Variants in CSMD1 observed in about 807,000 individuals in gnomAD.
The protein encoded by CSMD1 is CUB and sushi domain-containing protein 1.
In CSMD1, 213 loss-of-function variants were observed where a neutral mutation model predicts 417.5. The ratio of observed to expected loss-of-function variants is 0.51; its 90% CI spans 0.46 to 0.57. CSMD1 has a LOEUF of 0.57. Among genes scored for constraint, CSMD1 ranks in the 20% least tolerant of loss-of-function variants. The pLI, the probability that CSMD1 is intolerant of heterozygous loss-of-function variation, is 0.00. For synonymous variants in CSMD1, 2,862 were observed against 1,736.8 expected, an observed-to-expected ratio of 1.65 and a Z score of -16.11; for missense variants, 6,923 against 4,529.7, an observed-to-expected ratio of 1.53 and a Z score of -15.17.
chr8:3,373,391 T>G (rs575392782), intron 18 of CSMD1: 21 of 152,334 alleles, frequency 1.4e-4, no homozygotes, highest in African/African-American at 4.3e-4. Context: ...CTCTCAGGCT[T>G]GTTTAGATTT....
At chr8:4,433,012 G>C (rs1204082970) in intron 2 of CSMD1, among the ~76,000 whole-genome samples, 1 of 152,098 alleles carries the variant, frequency 6.6e-6, no homozygotes, top group Non-Finnish European at 1.5e-5. Context: ...TCCCACAGGA[G>C]CGTCAACACT....
intron 3 of CSMD1, among the ~76,000 whole-genome samples, chr8:4,053,884 A>G (rs999807911): frequency 3.3e-4 from 50 of 152,224 alleles, no homozygotes; most frequent in African/African-American, 1.2e-3. Context: ...ATTAGTTGCT[A>G]TAATTATCAT....
intron 5 of CSMD1, among the ~76,000 whole-genome samples, chr8:3,885,972 A>G (rs979022944): frequency 6.6e-6 from 1 of 152,108 alleles, no homozygotes; most frequent in African/African-American, 2.4e-5. Flanking sequence ...CAACAAAGCA[A>G]TATTGATTCA....
At chr8:4,897,635 G>A (rs1804586900) in intron 1 of CSMD1, among the ~76,000 whole-genome samples, 1 of 151,944 alleles carries the variant, frequency 6.6e-6, no homozygotes, top group South Asian at 2.1e-4. Flanking sequence ...TTACGTTAAT[G>A]TCCAATAATA....
intron 21 of CSMD1, among the ~76,000 whole-genome samples, chr8:3,354,833 A>G (rs1235730617): frequency 1.0e-5 from 1 of 97,652 alleles, no homozygotes; most frequent in Non-Finnish European, 2.2e-5. Flanking sequence ...ATAGATACAT[A>G]TATAGATACA....
chr8:3,071,958 C>G (rs1813351223), intron 49 of CSMD1, among the ~76,000 whole-genome samples: 1 of 152,180 alleles, frequency 6.6e-6, no homozygotes. Context: ...TGGAAGCAAC[C>G]CTTCCAGTAA....
intron 10 of CSMD1, among the ~76,000 whole-genome samples, chr8:3,540,294 A>G (rs190088174): frequency 4.1e-4 from 63 of 152,346 alleles, no homozygotes; most frequent in African/African-American, 1.5e-3. Context: ...ACAGAGTTGA[A>G]TAGGTGATAA....
At chr8:4,687,453 C>T (rs1476704175) in intron 1 of CSMD1, among the ~76,000 whole-genome samples, 1 of 152,158 alleles carries the variant, frequency 6.6e-6, no homozygotes, top group Non-Finnish European at 1.5e-5. Context: ...ATTTAGTCAA[C>T]ACTAAGTCCA....
intron 3 of CSMD1, among the ~76,000 whole-genome samples, chr8:4,407,053 C>G (rs1167046121): frequency 6.6e-6 from 1 of 152,160 alleles, no homozygotes; most frequent in Non-Finnish European, 1.5e-5. Flanking sequence ...TTTATTGAAA[C>G]ACGGCCAAGG....
intron 46 of CSMD1, among the ~76,000 whole-genome samples, chr8:3,101,251 T>C (rs1474396072): frequency 6.6e-6 from 1 of 152,154 alleles, no homozygotes; most frequent in Non-Finnish European, 1.5e-5. Context: ...TCTCCTCCTT[T>C]TTCCTCAACG....
intron 3 of CSMD1, among the ~76,000 whole-genome samples, chr8:4,198,525 G>C (rs1024925011): frequency 6.6e-6 from 1 of 152,190 alleles, no homozygotes; most frequent in Admixed American, 6.5e-5. Flanking sequence ...TTTGGGGGAT[G>C]AGAAAGAAAG....
intron 3 of CSMD1, among the ~76,000 whole-genome samples, chr8:4,240,184 G>C (rs371621801): frequency 2.6e-5 from 4 of 152,152 alleles, no homozygotes; most frequent in African/African-American, 4.8e-5. Flanking sequence ...AGGCCACTGA[G>C]GTTCCCATAA....
chr8:3,885,734 G>T (rs1283326291), intron 5 of CSMD1, among the ~76,000 whole-genome samples: 1 of 152,042 alleles, frequency 6.6e-6, no homozygotes, highest in South Asian at 2.1e-4. Flanking sequence ...AGGAATATCA[G>T]CCCCTTCTCC....
chr8:4,418,019 C>G (rs554600448), intron 3 of CSMD1, among the ~76,000 whole-genome samples: 1 of 152,002 alleles, frequency 6.6e-6, no homozygotes, highest in East Asian at 1.9e-4. Context: ...CCAAATAACG[C>G]ACACTCATTT....
chr8:3,607,667 G>C (rs975191344), intron 8 of CSMD1, among the ~76,000 whole-genome samples: 2 of 152,186 alleles, frequency 1.3e-5, no homozygotes, highest in African/African-American at 4.8e-5. Context: ...GTTAGGCAGT[G>C]TATGACTGGA....
At chr8:4,551,039 T>A (rs546086727) in intron 2 of CSMD1, among the ~76,000 whole-genome samples, 3 of 152,258 alleles carry the variant, frequency 2.0e-5, no homozygotes, top group South Asian at 2.1e-4. Context: ...TTTGAAGTAG[T>A]CCTTGACAAC....
Position 4,545,438 on chromosome 8 carries a change from G to C in CSMD1, c.302+91904C>G, listed in dbSNP as rs570388274. On this transcript the variant is annotated intron_variant, in intron 2 of 69. Coordinates refer to ENST00000635120, the MANE Select transcript of CSMD1 (RefSeq NM_033225.6). ...TTAATAAGAGTCCTACATATTAGGAGAGAGGTAAAAATAGGAAGGGCTCGT... is the reference window on the plus strand; with the variant it reads ...TTAATAAGAGTCCTACATATTAGGACAGAGGTAAAAATAGGAAGGGCTCGT... Among the ~76,000 whole-genome samples the C allele has an allele frequency of 7.2e-5, 11 of 152,296 alleles. No individual in the cohort carries two copies. In the South Asian group the frequency reaches 2.1e-3, roughly 29 times the overall value.
At chr8:4,010,600 G>A (rs1585127197) in intron 4 of CSMD1, among the ~76,000 whole-genome samples, 1 of 151,936 alleles carries the variant, frequency 6.6e-6, no homozygotes, top group East Asian at 1.9e-4. Flanking sequence ...TACATTCTGA[G>A]CCCAACTCTC....
chr8:4,767,379 T>C (rs1300262640), intron 1 of CSMD1, among the ~76,000 whole-genome samples: 2 of 152,174 alleles, frequency 1.3e-5, no homozygotes, highest in African/African-American at 4.8e-5. Flanking sequence ...CGAAACATAA[T>C]CCCTTTCTTT....
Sources: gnomAD v4.1 joint callset for allele counts (sites outside exome capture counted in the v4.1 genomes callset) on GRCh38, gnomAD v4.1.1 for gene constraint, MANE v1.5 for transcripts, NCBI Gene and HGNC (gene_info 2026-07-23, HGNC 2026-07-21) for gene names.